NAA11: variants seen among roughly 807,000 people sequenced by gnomAD.
NAA11 encodes N-alpha-acetyltransferase 11.
Under a neutral mutation model 16.1 loss-of-function variants are expected in NAA11, and 15 were observed. The ratio of observed to expected loss-of-function variants is 0.93; its 90% CI spans 0.62 to 1.44. NAA11 has a LOEUF of 1.44. NAA11 is among the 40% of genes most tolerant of loss of function. The probability of loss-of-function intolerance (pLI) is 0.00; values close to 1 mark genes in which losing one functional copy is unlikely to be tolerated. For synonymous variants in NAA11, 122 were observed against 112.4 expected, an observed-to-expected ratio of 1.09 and a Z score of -0.54; for missense variants, 298 against 291.3, an observed-to-expected ratio of 1.02 and a Z score of -0.17.
chr4:79,170,464 T>C, the NAA11 span, among the ~76,000 whole-genome samples: 1 of 152,168 alleles, frequency 6.6e-6, no homozygotes, highest in East Asian at 1.9e-4. Flanking sequence ...ATATTTTTGC[T>C]AAGACTTGAA....
intron 2 of NAA11, among the ~76,000 whole-genome samples, chr4:79,282,049 A>G (rs1722804711): frequency 6.6e-6 from 1 of 152,116 alleles, no homozygotes; most frequent in South Asian, 2.1e-4. Flanking sequence ...ACTTCTTTCA[A>G]TGACCTGAAT....
At chr4:79,319,187 T>C (rs1024267911) in intron 1 of NAA11, among the ~76,000 whole-genome samples, 3 of 152,168 alleles carry the variant, frequency 2.0e-5, no homozygotes, top group Non-Finnish European at 4.4e-5. Context: ...CTTGGCCTCC[T>C]AAAGTGCTGG....
At chr4:79,271,740 G>T (rs1353602193) in intron 2 of NAA11, among the ~76,000 whole-genome samples, 1 of 151,962 alleles carries the variant, frequency 6.6e-6, no homozygotes. Flanking sequence ...CTAAAATATT[G>T]TACAGTAGAA....
At position 79,325,944 on chromosome 4, in the gene NAA11, G is replaced by A; in HGVS notation, c.-67C>T. 7.0e-7 allele frequency: 1 copy of A among 1,432,154 alleles called. No homozygotes were observed. Among genetic ancestry groups the A allele is most frequent in the Non-Finnish European group, 9.5e-7 (1 of 1,052,446 alleles). 88.7% of individuals were successfully genotyped at this position (1,432,154 alleles called of 1,614,324 possible). Reference sequence around the variant, plus strand: ...AGAAGAGGCTGTCGCCGACCTTAAGGGGCACTGTTTGCCTCAGGAATCGAG... The same window carrying A: ...AGAAGAGGCTGTCGCCGACCTTAAGAGGCACTGTTTGCCTCAGGAATCGAG... On this transcript the variant is annotated 5_prime_UTR_variant, in exon 1 of 2. Coordinates refer to ENST00000286794, the MANE Select transcript of NAA11 (RefSeq NM_032693.3).
At chr4:79,167,479 C>A in the NAA11 span, among the ~76,000 whole-genome samples, 1 of 151,430 alleles carries the variant, frequency 6.6e-6, no homozygotes, top group Admixed American at 6.6e-5. Context: ...CTGCACCATA[C>A]CTATTAAATG....
chr4:79,247,371 A>C (rs1721864022), intron 2 of NAA11, among the ~76,000 whole-genome samples: 1 of 152,098 alleles, frequency 6.6e-6, no homozygotes, highest in Non-Finnish European at 1.5e-5. Context: ...CCTGCATTTC[A>C]GTTTTCCCTG....
chr4:79,227,313 A>G (rs543102092), intron 2 of NAA11: 13 of 152,082 alleles, frequency 8.5e-5, no homozygotes, highest in Non-Finnish European at 1.6e-4. Flanking sequence ...CAAATTTACA[A>G]GCACAAAACG....
intron 2 of NAA11, among the ~76,000 whole-genome samples, chr4:79,250,086 G>A (rs772815332): frequency 7.2e-5 from 11 of 152,218 alleles, no homozygotes; most frequent in Non-Finnish European, 1.0e-4. Context: ...GTGTGACCCC[G>A]CACAGGAAAC....
At chr4:79,188,194 A>G in the NAA11 span, among the ~76,000 whole-genome samples, 1 of 152,166 alleles carries the variant, frequency 6.6e-6, no homozygotes, top group African/African-American at 2.4e-5. Context: ...GAATACTACA[A>G]AGTTGTCACT....
At chr4:79,177,721 T>A in the NAA11 span, among the ~76,000 whole-genome samples, 1 of 152,138 alleles carries the variant, frequency 6.6e-6, no homozygotes, top group African/African-American at 2.4e-5. Flanking sequence ...GAATTTAAAC[T>A]GTATCTTACT....
At chr4:79,289,805 G>A (rs970724196) in intron 2 of NAA11, among the ~76,000 whole-genome samples, 2 of 152,058 alleles carry the variant, frequency 1.3e-5, no homozygotes, top group African/African-American at 4.8e-5. Context: ...TTGTCATTTG[G>A]TATTACGATT....
chr4:79,218,556 T>C, the NAA11 span, among the ~76,000 whole-genome samples: 1 of 152,112 alleles, frequency 6.6e-6, no homozygotes, highest in Admixed American at 6.6e-5. Flanking sequence ...TCATATATGA[T>C]AACTATTAGT....
the NAA11 span, among the ~76,000 whole-genome samples, chr4:79,181,604 ATTATAG>A: frequency 6.6e-6 from 1 of 152,216 alleles, no homozygotes; most frequent in African/African-American, 2.4e-5. Context: ...CCAGGGGCAC[ATTATAG>A]TTAAGTTTCT....
the NAA11 span, among the ~76,000 whole-genome samples, chr4:79,162,399 T>TA: frequency 6.6e-6 from 1 of 152,112 alleles, no homozygotes; most frequent in African/African-American, 2.4e-5. Context: ...TTGGGATTGA[T>TA]AAGCCTCTTG....
chr4:79,243,350 T>C (rs1007320010), intron 2 of NAA11, among the ~76,000 whole-genome samples: 3 of 152,236 alleles, frequency 2.0e-5, no homozygotes, highest in African/African-American at 7.2e-5. Context: ...GAAAAGATCT[T>C]GACAAAATTG....
intron 2 of NAA11, among the ~76,000 whole-genome samples, chr4:79,252,345 C>G (rs1027436958): frequency 3.3e-5 from 5 of 151,908 alleles, no homozygotes; most frequent in Non-Finnish European, 5.9e-5. Flanking sequence ...TTTTTAAACC[C>G]CACTCATTCA....
intron 2 of NAA11, among the ~76,000 whole-genome samples, chr4:79,279,374 G>A (rs1427690544): frequency 1.3e-5 from 2 of 152,058 alleles, no homozygotes; most frequent in Non-Finnish European, 2.9e-5. Context: ...GCAAGTGGTG[G>A]AGTCAGGGTT....
At chr4:79,307,404 C>G (rs1039807932) in intron 1 of NAA11, among the ~76,000 whole-genome samples, 2 of 152,092 alleles carry the variant, frequency 1.3e-5, no homozygotes, top group Non-Finnish European at 2.9e-5. Context: ...GGAAAATGTT[C>G]TTATGTGTAA....
chr4:79,286,811 C>G (rs1025886976), intron 2 of NAA11, among the ~76,000 whole-genome samples: 1 of 151,998 alleles, frequency 6.6e-6, no homozygotes, highest in African/African-American at 2.4e-5. Context: ...TTATTTTGGA[C>G]TGGGTTGTTA....
Sources: allele counts gnomAD v4.1 joint callset (sites outside exome capture counted in the v4.1 genomes callset), GRCh38; gene constraint gnomAD v4.1.1; transcripts MANE v1.5; gene names NCBI Gene and HGNC (gene_info 2026-07-23, HGNC 2026-07-21).